SNX10: variants seen among roughly 807,000 people sequenced by gnomAD.
SNX10 encodes the protein sorting nexin-10.
SNX10 carries 25 observed loss-of-function variants against 28.5 expected under a neutral mutation model. That is an observed-to-expected ratio of 0.88 (90% confidence interval 0.64 to 1.22). The LOEUF (loss-of-function observed/expected upper bound fraction) is 1.22, where lower values mean the gene tolerates loss of function less well. Ranked by LOEUF, SNX10 falls within the 50% of genes most tolerant of loss-of-function variation. SNX10 has a pLI of 0.00. For missense variants in SNX10, 223 were observed against 242.6 expected (o/e 0.92, Z 0.54); for synonymous variants, 62 against 81.4 (o/e 0.76, Z 1.28).
intron 1 of SNX10, among the ~76,000 whole-genome samples, chr7:26,318,534 C>G (rs1480667447): frequency 6.6e-6 from 1 of 152,178 alleles, no homozygotes; most frequent in Non-Finnish European, 1.5e-5. Flanking sequence ...ATGGCGAGAT[C>G]ATGGCTCACT....
At chr7:26,343,896 G>A (rs1023768541) in intron 1 of SNX10, among the ~76,000 whole-genome samples, 1 of 152,092 alleles carries the variant, frequency 6.6e-6, no homozygotes, top group African/African-American at 2.4e-5. Context: ...AGGCCTCAGC[G>A]GAAGTGCCAT....
At chr7:26,370,770 C>T (rs1193036822) in intron 5 of SNX10, 2 of 152,082 alleles carry the variant, frequency 1.3e-5, no homozygotes, top group East Asian at 1.9e-4. Context: ...TTTCACAGAT[C>T]GTTATATCGG....
intron 1 of SNX10, among the ~76,000 whole-genome samples, chr7:26,326,448 T>C (rs1023127386): frequency 1.3e-5 from 2 of 152,316 alleles, no homozygotes; most frequent in African/African-American, 4.8e-5. Flanking sequence ...ACACATGGCT[T>C]GCATCTTCTT....
Position 26,337,775 on chromosome 7 carries a change from G to A in SNX10, c.-23-8645G>A, listed in dbSNP as rs917067627. Among the ~76,000 whole-genome samples, 3 of 152,172 alleles carry A rather than the reference G, an allele frequency of 2.0e-5. No homozygotes were observed. The East Asian group carries it at 5.8e-4, about 29-fold the overall frequency. On this transcript the variant is annotated intron_variant, in intron 1 of 6. Transcript: ENST00000338523. ...TGTGAATAATACTGCTGTGGATGTG[G>A]ACCCACAAATAGCTCTTTGAGAGCC...
At chr7:26,300,484 A>G (rs1235387247) in intron 1 of SNX10, among the ~76,000 whole-genome samples, 2 of 152,180 alleles carry the variant, frequency 1.3e-5, no homozygotes, top group Non-Finnish European at 2.9e-5. Flanking sequence ...AATGATTTGA[A>G]GTATTAACAG....
chr7:26,341,125 C>T (rs892914683), intron 1 of SNX10, among the ~76,000 whole-genome samples: 1 of 151,956 alleles, frequency 6.6e-6, no homozygotes, highest in Admixed American at 6.6e-5. Context: ...TAGGGATATA[C>T]CATCTCTACA....
chr7:26,307,622 A>AT (rs1257844713), intron 1 of SNX10, among the ~76,000 whole-genome samples: 21 of 143,542 alleles, frequency 1.5e-4, no homozygotes, highest in East Asian at 1.2e-3. Flanking sequence ...TAATTTTTGC[A>AT]TTTTTTTTTG....
At chr7:26,304,742 T>C (rs1167018915) in intron 1 of SNX10, among the ~76,000 whole-genome samples, 1 of 152,270 alleles carries the variant, frequency 6.6e-6, no homozygotes, top group African/African-American at 2.4e-5. Context: ...CCTAATTCTT[T>C]GCTTTTCAGT....
chr7:26,360,054 T>C (rs1011172183), intron 2 of SNX10, among the ~76,000 whole-genome samples: 9 of 152,234 alleles, frequency 5.9e-5, no homozygotes, highest in African/African-American at 1.7e-4. Flanking sequence ...CTAACTTCTA[T>C]GTATAACACA....
chr7:26,363,556 T>C (rs186023572), intron 3 of SNX10, among the ~76,000 whole-genome samples: 2 of 152,314 alleles, frequency 1.3e-5, no homozygotes, highest in Admixed American at 1.3e-4. Flanking sequence ...TGGTAGTCGC[T>C]TGTTTTACTC....
chr7:26,312,267 C>T (rs1448681362), intron 1 of SNX10, among the ~76,000 whole-genome samples: 1 of 151,930 alleles, frequency 6.6e-6, no homozygotes, highest in East Asian at 1.9e-4. Context: ...AGCCTGGAAG[C>T]CATAAGGAAA....
At chr7:26,346,058 G>A (rs1350997501) in intron 1 of SNX10, among the ~76,000 whole-genome samples, 6 of 152,108 alleles carry the variant, frequency 3.9e-5, no homozygotes, top group Non-Finnish European at 8.8e-5. Context: ...ATCTCTCTGC[G>A]CGTCTTTTCC....
At chr7:26,370,886 A>G (rs1029226152) in intron 5 of SNX10, among the ~76,000 whole-genome samples, 1 of 152,214 alleles carries the variant, frequency 6.6e-6, no homozygotes, top group Non-Finnish European at 1.5e-5. Flanking sequence ...AACTATCAGT[A>G]GAGACTAAAT....
In SNX10 at chr7:26,343,434, A is replaced by T. The variant is rs568377461; in HGVS notation, c.-23-2986A>T. 2.0e-5 allele frequency among the ~76,000 whole-genome samples: 3 copies of T among 152,364 alleles called. No individual in the cohort carries two copies. The East Asian group carries it at 5.8e-4, about 29-fold the overall frequency. On this transcript the variant is annotated intron_variant, in intron 1 of 6. Transcript: ENST00000338523. ...GAAGTGGGGATATTCAAATCCTCAC[A>T]GGACAGTTGTGAAGTTTAATTACAC...
In SNX10 at chr7:26,327,251, C is replaced by T. The variant is rs566238350; in HGVS notation, c.-23-19169C>T. ...CAGGCGTGAACCACTGCGCCCGGGTCTTGTTAATTATCTTTTGAAGTGCAG... is the reference window on the plus strand; with the variant it reads ...CAGGCGTGAACCACTGCGCCCGGGTTTTGTTAATTATCTTTTGAAGTGCAG... On this transcript the variant is annotated intron_variant, in intron 1 of 6. Coordinates refer to ENST00000338523, the MANE Select transcript of SNX10 (RefSeq NM_013322.3). Among the ~76,000 whole-genome samples the T allele has an allele frequency of 7.1e-4, 108 of 152,232 alleles. 1 individual carries two copies. The South Asian group carries it at 0.011, about 16-fold the overall frequency.
At chr7:26,343,370 ACTTAACCC>A (rs1788253061) in intron 1 of SNX10, among the ~76,000 whole-genome samples, 1 of 152,174 alleles carries the variant, frequency 6.6e-6, no homozygotes, top group African/African-American at 2.4e-5. Flanking sequence ...ACCTTGGGCA[ACTTAACCC>A]CTTAACCCCT....
At position 26,291,978 on chromosome 7, in the gene SNX10, G is replaced by A. The variant is rs1338634167; in HGVS notation, c.-132G>A. On this transcript the variant is annotated 5_prime_UTR_variant, in exon 1 of 7. Transcript: ENST00000338523. ...CGGGGCTGCGCTCGTGTGCGCTCCT[G>A]GGCGCTCGCCGCCGCCGCTGCCGCC... 2 of 143,642 alleles carry A rather than the reference G, an allele frequency of 1.4e-5. No homozygotes were observed. Among genetic ancestry groups the A allele is most frequent in the East Asian group, 4.9e-4 (2 of 4,072 alleles). 8.9% of individuals were successfully genotyped at this position (143,642 alleles called of 1,614,324 possible). A position where few individuals can be genotyped will look rare whatever the true frequency, so the allele number is the denominator to read the frequency against.
intron 1 of SNX10, among the ~76,000 whole-genome samples, chr7:26,324,884 A>G (rs1476143255): frequency 6.6e-6 from 1 of 152,186 alleles, no homozygotes; most frequent in East Asian, 1.9e-4. Flanking sequence ...CGTAAAAAGA[A>G]TGATCTTGCT....
chr7:26,323,190 C>T (rs528202715), intron 1 of SNX10, among the ~76,000 whole-genome samples: 1 of 152,200 alleles, frequency 6.6e-6, no homozygotes, highest in South Asian at 2.1e-4. Flanking sequence ...GTGGAGGTTG[C>T]AGTGAGCCAG....
Sources: gnomAD v4.1 joint callset for allele counts (sites outside exome capture counted in the v4.1 genomes callset) on GRCh38, gnomAD v4.1.1 for gene constraint, MANE v1.5 for transcripts, NCBI Gene and HGNC (gene_info 2026-07-23, HGNC 2026-07-21) for gene names.